Variants in CFAP54 observed in about 807,000 individuals in gnomAD.
The protein encoded by CFAP54 is cilia- and flagella-associated protein 54.
A neutral mutation model predicts 370.4 loss-of-function variants in CFAP54; 290 were observed. The ratio of observed to expected loss-of-function variants is 0.78; its 90% CI spans 0.71 to 0.86. CFAP54 has a LOEUF of 0.86. Among genes scored for constraint, CFAP54 ranks in the 40% least tolerant of loss-of-function variants. The pLI, the probability that CFAP54 is intolerant of heterozygous loss-of-function variation, is 0.00. For synonymous variants in CFAP54, 1,206 were observed against 1,236.5 expected (o/e 0.98, Z 0.52); for missense variants, 3,399 against 3,528.7 (o/e 0.96, Z 0.93).
chr12:96,874,327 A>G (rs1195955951), intron 67 of CFAP54, among the ~76,000 whole-genome samples: 1 of 152,178 alleles, frequency 6.6e-6, no homozygotes, highest in Non-Finnish European at 1.5e-5. Context: ...AATTCCAACA[A>G]AGTTAGTTAT....
intron 2 of CFAP54, among the ~76,000 whole-genome samples, chr12:96,501,868 GA>G (rs1955031510): frequency 6.6e-6 from 1 of 152,114 alleles, no homozygotes; most frequent in African/African-American, 2.4e-5. Context: ...CACATAAATG[GA>G]CCATGGGTCT....
chr12:96,663,032 TC>T (rs1957012254), intron 38 of CFAP54, among the ~76,000 whole-genome samples: 2 of 152,216 alleles, frequency 1.3e-5, no homozygotes, highest in Admixed American at 6.5e-5. Flanking sequence ...TGCTACATCA[TC>T]CCTTCTTCTT....
intron 50 of CFAP54, among the ~76,000 whole-genome samples, chr12:96,730,558 A>G (rs1592730857): frequency 6.6e-6 from 1 of 152,210 alleles, no homozygotes; most frequent in African/African-American, 2.4e-5. Context: ...AAATGAAACA[A>G]TATAGTCACT....
intron 63 of CFAP54, among the ~76,000 whole-genome samples, chr12:96,801,000 A>G (rs1175871035): frequency 6.6e-6 from 1 of 152,226 alleles, no homozygotes; most frequent in Non-Finnish European, 1.5e-5. Context: ...GATGGTAATG[A>G]AAATTAATAA....
At chr12:96,592,356 G>T in intron 23 of CFAP54, 134 bp from the exon 24 acceptor site, 1 of 339,302 alleles carries the variant, frequency 2.9e-6, no homozygotes, top group Non-Finnish European at 5.4e-6. Flanking sequence ...GTCTGTGCAA[G>T]AATAGCTGTT....
chr12:96,791,411 G>T (rs1469723893), intron 62 of CFAP54, among the ~76,000 whole-genome samples: 1 of 151,940 alleles, frequency 6.6e-6, no homozygotes, highest in East Asian at 1.9e-4. Context: ...TACCAAATTG[G>T]CAATTGCATT....
chr12:96,811,699 G>T (rs1157190336), intron 63 of CFAP54, 37 bp from the exon 64 acceptor site: 1 of 1,067,334 alleles, frequency 9.4e-7, no homozygotes, highest in South Asian at 1.6e-5. Context: ...CTCTAATTTT[G>T]ATGTCACATT....
At chr12:96,496,300 G>T (rs1954954025) in intron 1 of CFAP54, among the ~76,000 whole-genome samples, 1 of 152,162 alleles carries the variant, frequency 6.6e-6, no homozygotes, top group Non-Finnish European at 1.5e-5. Context: ...AAGTATTAGA[G>T]CCATCTTCAG....
Position 96,837,800 on chromosome 12 carries a change from T to TTA in CFAP54, c.9171+8712_9171+8713insTA, listed in dbSNP as rs1179260073. ...CCAGCCATTGGGCTAGGTCCTGGGG[T>TTA]ACAGAAGTAAAAGCCAGAGTTCCTG... On this transcript the variant is annotated intron_variant, in intron 66 of 67. Coordinates refer to ENST00000524981, the MANE Select transcript of CFAP54 (RefSeq NM_001306084.2). Among the ~76,000 whole-genome samples the TTA allele has an allele frequency of 6.6e-5, 10 of 152,224 alleles. 1 individual carries two copies. The highest frequency in any genetic ancestry group is 2.4e-4 in the African/African-American group (10 of 41,524).
At chr12:96,787,862 A>G (rs1263744499) in intron 62 of CFAP54, among the ~76,000 whole-genome samples, 3 of 151,784 alleles carry the variant, frequency 2.0e-5, no homozygotes, top group African/African-American at 7.3e-5. Context: ...TACTTTCAAT[A>G]CTCTCAATAG....
Position 96,554,291 on chromosome 12 carries a change from T to C in CFAP54, c.2264T>C (p.Ile755Thr), listed in dbSNP as rs1955729189. The change falls in exon 16 of 68, where the codon ATT (isoleucine) becomes ACT (threonine). Residue 755 changes from isoleucine to threonine, a missense_variant. Ile to Thr is a moderately conservative substitution (Grantham distance 89). Coordinates refer to ENST00000524981, the MANE Select transcript of CFAP54 (RefSeq NM_001306084.2). ...TCTTTGCCAAATGGATCATCAGTAA[T>C]TGACCACTGCTATGCCAAGGTAAGA... ...LTSLPNGSSV[I>T]DHCYAKRTHH... 1 of 1,526,300 alleles carries C rather than the reference T, an allele frequency of 6.6e-7. No homozygotes were observed. Among genetic ancestry groups the C allele is most frequent in the African/African-American group, 1.4e-5 (1 of 72,614 alleles). 94.5% of individuals were successfully genotyped at this position (1,526,300 alleles called of 1,614,324 possible).
chr12:96,528,776 A>G (rs1174534659), intron 9 of CFAP54, among the ~76,000 whole-genome samples: 2 of 152,098 alleles, frequency 1.3e-5, no homozygotes, highest in African/African-American at 4.8e-5. Flanking sequence ...CATTTTCCAT[A>G]TTATTGATTT....
intron 60 of CFAP54, among the ~76,000 whole-genome samples, chr12:96,781,559 G>A (rs1958581175): frequency 6.6e-6 from 1 of 152,114 alleles, no homozygotes; most frequent in Non-Finnish European, 1.5e-5. Context: ...AGAACAGAAT[G>A]TAAATGTTAC....
chr12:96,774,409 G>T (rs116234403), intron 60 of CFAP54, among the ~76,000 whole-genome samples: 1 of 152,046 alleles, frequency 6.6e-6, no homozygotes, highest in East Asian at 1.9e-4. Context: ...AAATCTATTC[G>T]GAATATGTAA....
chr12:96,493,267 T>C (rs1482327156), intron 1 of CFAP54, among the ~76,000 whole-genome samples: 3 of 152,174 alleles, frequency 2.0e-5, no homozygotes, highest in Non-Finnish European at 4.4e-5. Context: ...AAAATAGATA[T>C]GGGAGTCAGT....
intron 19 of CFAP54, among the ~76,000 whole-genome samples, chr12:96,567,744 C>T (rs563615876): frequency 1.3e-4 from 20 of 152,154 alleles, no homozygotes; most frequent in Admixed American, 6.5e-4. Context: ...CTTTGTACTG[C>T]CATAGTGTGC....
rs138857990 is a variant in CFAP54 at position 96,692,519 on chromosome 12, A to C, written c.6265-1203A>C. Among the ~76,000 whole-genome samples the C allele has an allele frequency of 2.0e-5, 3 of 152,332 alleles. No homozygotes were observed. The East Asian group carries it at 5.8e-4, about 29-fold the overall frequency. ...CTAAAGAAAAGAAACTAAATCTCAA[A>C]GGTAATCGCCAACTTTTAATGTTTT... On this transcript the variant is annotated intron_variant, in intron 44 of 67. Coordinates refer to ENST00000524981, the MANE Select transcript of CFAP54 (RefSeq NM_001306084.2).
chr12:96,653,950 TAAAA>T (rs1169926343), intron 36 of CFAP54, among the ~76,000 whole-genome samples: 1 of 152,052 alleles, frequency 6.6e-6, no homozygotes, highest in African/African-American at 2.4e-5. Context: ...CTATAGATAT[TAAAA>T]AAGGAAATAT....
intron 65 of CFAP54, among the ~76,000 whole-genome samples, chr12:96,820,620 A>G (rs1368821606): frequency 6.6e-6 from 1 of 152,304 alleles, no homozygotes; most frequent in African/African-American, 2.4e-5. Context: ...GTGTCCTCCA[A>G]TGTTGCAACA....
Sources: allele counts gnomAD v4.1 joint callset (sites outside exome capture counted in the v4.1 genomes callset), GRCh38; gene constraint gnomAD v4.1.1; transcripts MANE v1.5; gene names NCBI Gene and HGNC (gene_info 2026-07-23, HGNC 2026-07-21).